Variants in LHFPL6 observed in about 807,000 individuals in gnomAD.
LHFPL6 encodes the protein LHFPL tetraspan subfamily member 6 protein.
A neutral mutation model predicts 20.6 loss-of-function variants in LHFPL6; 9 were observed. The observed-to-expected ratio is 0.44, with a 90% CI of 0.26 to 0.76. LHFPL6 has a LOEUF of 0.76. Among genes scored for constraint, LHFPL6 ranks in the 30% least tolerant of loss-of-function variants. The probability of loss-of-function intolerance (pLI) is 0.20; values close to 1 mark genes in which losing one functional copy is unlikely to be tolerated. For missense variants in LHFPL6, 218 were observed against 253.5 expected, an observed-to-expected ratio of 0.86 and a Z score of 0.95; for synonymous variants, 105 against 98.7, an observed-to-expected ratio of 1.06 and a Z score of -0.38.
At chr13:39,370,287 T>C (rs1870132820) in intron 3 of LHFPL6, among the ~76,000 whole-genome samples, 1 of 152,172 alleles carries the variant, frequency 6.6e-6, no homozygotes, top group Non-Finnish European at 1.5e-5. Context: ...TTTGGGTCTT[T>C]GTTGAATTCA....
chr13:39,510,234 A>G (rs1869644913), intron 2 of LHFPL6, among the ~76,000 whole-genome samples: 2 of 152,170 alleles, frequency 1.3e-5, no homozygotes, highest in Admixed American at 6.5e-5. Context: ...CACCCACTGA[A>G]GGTAGAGTTA....
chr13:39,553,307 A>C (rs1871197085), intron 2 of LHFPL6, among the ~76,000 whole-genome samples: 1 of 152,146 alleles, frequency 6.6e-6, no homozygotes, highest in Non-Finnish European at 1.5e-5. Flanking sequence ...AACTCCCTGG[A>C]ATGTAAATTT....
intron 2 of LHFPL6, among the ~76,000 whole-genome samples, chr13:39,575,867 G>A (rs1017415181): frequency 6.6e-6 from 1 of 152,198 alleles, no homozygotes; most frequent in Non-Finnish European, 1.5e-5. Context: ...TTCAGCAGCT[G>A]AAGGATTATC....
chr13:39,441,134 C>T (rs1358174945), intron 2 of LHFPL6, among the ~76,000 whole-genome samples: 2 of 131,378 alleles, frequency 1.5e-5, no homozygotes, highest in African/African-American at 2.9e-5. Flanking sequence ...ACCATGCCAA[C>T]TAATTTTTTT....
Position 39,360,010 on chromosome 13 carries a change from A to ATTTTG in LHFPL6, c.485-15961_485-15957dup, listed in dbSNP as rs562549417. ...CACTTCAACAGAAAGAGGAGACAGGATTTTGTTTTGTTTTGTTTTGTTTTG... is the reference window on the plus strand; with the variant it reads ...CACTTCAACAGAAAGAGGAGACAGGATTTTGTTTTGTTTTGTTTTGTTTTGTTTTG... On this transcript the variant is annotated intron_variant, in intron 3 of 3. Coordinates refer to ENST00000379589, the MANE Select transcript of LHFPL6 (RefSeq NM_005780.3). 6.9e-3 allele frequency among the ~76,000 whole-genome samples: 1,041 copies of ATTTTG among 151,452 alleles called. 19 individuals carry two copies. The highest frequency in any genetic ancestry group is 0.024 in the African/African-American group (993 of 41,214).
chr13:39,574,283 T>C lies in LHFPL6; in HGVS notation c.385+26549A>G, dbSNP rs372973557. On this transcript the variant is annotated intron_variant, in intron 2 of 3. Transcript: ENST00000379589. ...GGATCACAAGGTCAGGAGAACAAGA[T>C]CATCCTGGCTAACATGGTGAAACCC... Among the ~76,000 whole-genome samples, 1,203 of 151,928 alleles carry C rather than the reference T, an allele frequency of 7.9e-3. 11 individuals are homozygous for C. Among genetic ancestry groups the C allele is most frequent in the South Asian group, 0.036 (173 of 4,804 alleles).
At chr13:39,370,737 G>A (rs114631556) in intron 3 of LHFPL6, among the ~76,000 whole-genome samples, 355 of 152,312 alleles carry the variant, frequency 2.3e-3, no homozygotes, top group African/African-American at 7.9e-3. Flanking sequence ...GCCTGAGCAT[G>A]AAGCAACCCG....
At chr13:39,460,854 T>A (rs1199675279) in intron 2 of LHFPL6, among the ~76,000 whole-genome samples, 1 of 152,192 alleles carries the variant, frequency 6.6e-6, no homozygotes, top group African/African-American at 2.4e-5. Flanking sequence ...TTATTTTAGG[T>A]TCAGGGGGTG....
At chr13:39,586,947 A>G (rs1872466525) in intron 2 of LHFPL6, among the ~76,000 whole-genome samples, 1 of 152,148 alleles carries the variant, frequency 6.6e-6, no homozygotes, top group African/African-American at 2.4e-5. Context: ...GCCTGAGGTC[A>G]GGAGTTCAAG....
intron 2 of LHFPL6, among the ~76,000 whole-genome samples, chr13:39,414,175 T>C (rs1279027721): frequency 6.6e-6 from 1 of 152,188 alleles, no homozygotes; most frequent in Non-Finnish European, 1.5e-5. Context: ...ATGGACTATA[T>C]GGAGGGGTGA....
chr13:39,486,161 T>G (rs1038367655), intron 2 of LHFPL6, among the ~76,000 whole-genome samples: 1 of 152,202 alleles, frequency 6.6e-6, no homozygotes, highest in African/African-American at 2.4e-5. Flanking sequence ...TTAGTAAGAC[T>G]GTAAGCATCC....
At chr13:39,489,059 C>A (rs1200538584) in intron 2 of LHFPL6, among the ~76,000 whole-genome samples, 1 of 152,122 alleles carries the variant, frequency 6.6e-6, no homozygotes, top group Non-Finnish European at 1.5e-5. Flanking sequence ...TTAAGGACTC[C>A]CATCTCTCCT....
Position 39,352,888 on chromosome 13 carries a change from T to C in LHFPL6, c.485-8834A>G, listed in dbSNP as rs1285158970. Among the ~76,000 whole-genome samples, 15 of 53,852 alleles carry C rather than the reference T, an allele frequency of 2.8e-4. 2 individuals carry two copies. The highest frequency in any genetic ancestry group is 2.0e-3 in the East Asian group (2 of 1,020). 35.3% of individuals were successfully genotyped at this position (53,852 alleles called of 152,430 possible). A position where few individuals can be genotyped will look rare whatever the true frequency, so the allele number is the denominator to read the frequency against. ...GTGTATATATATATATAAATGTATA[T>C]ATATGTGTATATATATATAAATGTA... On this transcript the variant is annotated intron_variant, in intron 3 of 3. Coordinates refer to ENST00000379589, the MANE Select transcript of LHFPL6 (RefSeq NM_005780.3).
chr13:39,588,142 G>A (rs1872507298), intron 2 of LHFPL6, among the ~76,000 whole-genome samples: 3 of 152,106 alleles, frequency 2.0e-5, no homozygotes, highest in Admixed American at 2.0e-4. Flanking sequence ...GCTGCCGAGT[G>A]AGCCTCACCA....
chr13:39,400,554 C>A (rs1315266655), intron 2 of LHFPL6, among the ~76,000 whole-genome samples: 1 of 151,790 alleles, frequency 6.6e-6, no homozygotes, highest in Non-Finnish European at 1.5e-5. Context: ...GAGGCCGAGG[C>A]GGGCGGATCA....
At chr13:39,452,099 C>T (rs1352810984) in intron 2 of LHFPL6, among the ~76,000 whole-genome samples, 3 of 113,292 alleles carry the variant, frequency 2.6e-5, no homozygotes, top group Admixed American at 2.6e-4. Flanking sequence ...ACAGCTACAT[C>T]AAGGTTAAAA....
intron 2 of LHFPL6, among the ~76,000 whole-genome samples, chr13:39,477,211 CCTT>C (rs1462556305): frequency 1.3e-5 from 2 of 152,198 alleles, no homozygotes; most frequent in East Asian, 3.9e-4. Flanking sequence ...CCAGACTCCT[CCTT>C]CGTGACTCTG....
At chr13:39,511,223 T>C (rs1048373784) in intron 2 of LHFPL6, among the ~76,000 whole-genome samples, 1 of 152,136 alleles carries the variant, frequency 6.6e-6, no homozygotes, top group Non-Finnish European at 1.5e-5. Flanking sequence ...AAGTCATGGG[T>C]ATTTAATGTA....
chr13:39,444,380 G>A (rs576553250), intron 2 of LHFPL6, among the ~76,000 whole-genome samples: 2 of 152,244 alleles, frequency 1.3e-5, no homozygotes, highest in East Asian at 3.9e-4. Context: ...GCCAAGAGAC[G>A]TTTGCTAAAG....
Sources: gnomAD v4.1 joint callset for allele counts (sites outside exome capture counted in the v4.1 genomes callset) on GRCh38, gnomAD v4.1.1 for gene constraint, MANE v1.5 for transcripts, NCBI Gene and HGNC (gene_info 2026-07-23, HGNC 2026-07-21) for gene names.